IFT80: variants seen among roughly 807,000 people sequenced by gnomAD.
IFT80 encodes intraflagellar transport protein 80 homolog.
IFT80 carries 79 observed loss-of-function variants against 107.9 expected under a neutral mutation model. The observed-to-expected ratio is 0.73, with a 90% confidence interval of 0.61 to 0.88. The LOEUF (loss-of-function observed/expected upper bound fraction) is 0.88, where lower values mean the gene tolerates loss of function less well. Among genes scored for constraint, IFT80 ranks in the 40% least tolerant of loss-of-function variants. The pLI is 0.00. For synonymous variants in IFT80, 299 were observed against 300.9 expected (o/e 0.99, Z 0.07); for missense variants, 797 against 914.2 (o/e 0.87, Z 1.65).
At chr3:160,272,230 A>G (rs898499403) in intron 18 of IFT80, among the ~76,000 whole-genome samples, 4 of 152,194 alleles carry the variant, frequency 2.6e-5, no homozygotes, top group African/African-American at 9.6e-5. Flanking sequence ...CAAACAAACC[A>G]TAAAACAAAA....
At chr3:160,280,587 T>C (rs1477861755) in intron 15 of IFT80, 80 bp downstream of exon 15, 3 of 1,221,552 alleles carry the variant, frequency 2.5e-6, no homozygotes, top group Admixed American at 1.8e-5. Context: ...CCTTGCAGGA[T>C]TGAAAATAGA....
At chr3:160,268,362 C>A (rs758076802) in intron 19 of IFT80, 51 bp downstream of exon 19, 3 of 1,471,364 alleles carry the variant, frequency 2.0e-6, no homozygotes, top group Non-Finnish European at 1.9e-6. Flanking sequence ...ATGAATATGA[C>A]ATATACTTAT....
intron 5 of IFT80, among the ~76,000 whole-genome samples, chr3:160,372,151 A>C (rs1162926026): frequency 6.6e-6 from 1 of 152,246 alleles, no homozygotes; most frequent in Non-Finnish European, 1.5e-5. Flanking sequence ...ATCTCTATTC[A>C]TCAAGAAATA....
chr3:160,315,815 T>C (rs977359198), intron 9 of IFT80, among the ~76,000 whole-genome samples: 3 of 152,156 alleles, frequency 2.0e-5, no homozygotes, highest in Admixed American at 6.5e-5. Context: ...GCAATAACCA[T>C]AGAGTCTAGG....
chr3:160,364,528 T>C (rs1447705614), intron 6 of IFT80, among the ~76,000 whole-genome samples: 2 of 152,206 alleles, frequency 1.3e-5, no homozygotes, highest in Non-Finnish European at 2.9e-5. Flanking sequence ...TTATAAACCA[T>C]GCTACTATAA....
rs1036882139 is a variant in IFT80 at position 160,258,159 on chromosome 3, A to G, written c.*366T>C. ...GCATTTTACAATTTAGAGGTCAAATAGAAATTAATGGTAACATACATTTCA... is the reference window on the plus strand; with the variant it reads ...GCATTTTACAATTTAGAGGTCAAATGGAAATTAATGGTAACATACATTTCA... On this transcript the variant is annotated 3_prime_UTR_variant, in exon 20 of 20. Transcript: ENST00000326448. 7 of 212,934 alleles carry G rather than the reference A, an allele frequency of 3.3e-5. No individual in the cohort carries two copies. The highest frequency in any genetic ancestry group is 6.6e-5 in the Non-Finnish European group (7 of 106,188). The allele number at this position is 212,934 out of a possible 1,614,324, so 13.2% of individuals were successfully genotyped here. A position where few individuals can be genotyped will look rare whatever the true frequency, so the allele number is the denominator to read the frequency against.
intron 8 of IFT80, among the ~76,000 whole-genome samples, chr3:160,346,844 T>C (rs1720329601): frequency 6.6e-6 from 1 of 152,104 alleles, no homozygotes; most frequent in Admixed American, 6.6e-5. Context: ...TTTCACTCCT[T>C]GTTTGTTCAT....
chr3:160,343,847 T>C (rs1402129441), intron 8 of IFT80: 1 of 288,714 alleles, frequency 3.5e-6, no homozygotes, highest in Non-Finnish European at 6.9e-6. Context: ...TTTTATTTAT[T>C]GATTTTCTTT....
chr3:160,378,135 G>A (rs1188659900), intron 3 of IFT80, among the ~76,000 whole-genome samples: 3 of 151,796 alleles, frequency 2.0e-5, no homozygotes, highest in Non-Finnish European at 1.5e-5. Context: ...CCTGTTGCCT[G>A]ACACAGTATA....
rs141827631 is a variant in IFT80 at position 160,271,978 on chromosome 3, A to T, written c.2100-3442T>A. On this transcript the variant is annotated intron_variant, in intron 18 of 19. Transcript: ENST00000326448. ...AACCTAAATCTAATCAAGTTCCTAG[A>T]TTCAACAACCAATATGCAACTAATT... Among the ~76,000 whole-genome samples the T allele has an allele frequency of 2.8e-4, 42 of 152,162 alleles. No homozygotes were observed. The East Asian group carries it at 7.9e-3, about 29-fold the overall frequency.
In IFT80 at chr3:160,368,518, T is replaced by C. The variant is rs115652675; in HGVS notation, c.440-2366A>G. On this transcript the variant is annotated intron_variant, in intron 5 of 19. Coordinates refer to ENST00000326448, the MANE Select transcript of IFT80 (RefSeq NM_020800.3). ...TGAGATGGCCAACCTCAGAAGGTAC[T>C]CCTCCTTTTTCTGTACTTGATGAGT... Among the ~76,000 whole-genome samples, 1,058 of 152,036 alleles carry C rather than the reference T, an allele frequency of 7.0e-3. 11 individuals carry two copies. Among genetic ancestry groups the C allele is most frequent in the African/African-American group, 0.024 (989 of 41,540 alleles).
chr3:160,303,743 A>G (rs1716614510), intron 11 of IFT80, among the ~76,000 whole-genome samples, 172 bp downstream of exon 11: 1 of 152,230 alleles, frequency 6.6e-6, no homozygotes, highest in South Asian at 2.1e-4. Flanking sequence ...TTTCAGAATC[A>G]CTGATTTAAA....
At chr3:160,350,415 CAA>C (rs60135065) in intron 8 of IFT80, among the ~76,000 whole-genome samples, 28,812 of 116,232 alleles carry the variant, frequency 0.25, 2,898 homozygotes, top group Admixed American at 0.31. Flanking sequence ...GACTCTGTCT[CAA>C]AAAAAAAAAA....
At chr3:160,358,496 T>C (rs1314366265) in intron 6 of IFT80, among the ~76,000 whole-genome samples, 1 of 152,210 alleles carries the variant, frequency 6.6e-6, no homozygotes, top group Non-Finnish European at 1.5e-5. Flanking sequence ...TTTCCATAGA[T>C]AAGTATATAT....
At chr3:160,260,220 G>C (rs1712706704) in intron 19 of IFT80, among the ~76,000 whole-genome samples, 1 of 152,054 alleles carries the variant, frequency 6.6e-6, no homozygotes, top group Non-Finnish European at 1.5e-5. Context: ...ACTCATAGAA[G>C]ACAAATGTCT....
At chr3:160,322,003 GTTATTTATTTATTTAT>G (rs145027648) in intron 8 of IFT80, among the ~76,000 whole-genome samples, 78 of 146,472 alleles carry the variant, frequency 5.3e-4, no homozygotes, top group South Asian at 4.4e-3. Context: ...TTGTCAGCTT[GTTATTTATTTATTTAT>G]TTATTTATTT....
chr3:160,380,794 T>A (rs772653039), intron 3 of IFT80, among the ~76,000 whole-genome samples: 2 of 152,290 alleles, frequency 1.3e-5, no homozygotes, highest in Admixed American at 6.5e-5. Context: ...AAAATTAACA[T>A]GTACTGGAAA....
At chr3:160,304,737 T>A (rs904330372) in intron 10 of IFT80, among the ~76,000 whole-genome samples, 2 of 152,128 alleles carry the variant, frequency 1.3e-5, no homozygotes, top group African/African-American at 4.8e-5. Context: ...GCCTGCCCAC[T>A]TGATCTTAAC....
At chr3:160,279,107 T>C in intron 16 of IFT80, 86 bp downstream of exon 16, 2 of 1,103,898 alleles carry the variant, frequency 1.8e-6, no homozygotes, top group South Asian at 2.7e-5. Context: ...TTTTCCAGCC[T>C]TTAAGCCTAT....
Sources: allele counts gnomAD v4.1 joint callset (sites outside exome capture counted in the v4.1 genomes callset), GRCh38; gene constraint gnomAD v4.1.1; transcripts MANE v1.5; gene names NCBI Gene and HGNC (gene_info 2026-07-23, HGNC 2026-07-21).